The following RNF24 variants were observed in gnomAD, a reference collection of about 807,000 sequenced individuals.
RNF24 encodes the protein ring finger protein 24.
Under a neutral mutation model 20.0 loss-of-function variants are expected in RNF24, and 14 were observed. The observed-to-expected ratio is 0.70, with a 90% CI of 0.46 to 1.10. RNF24 has a LOEUF of 1.10. Among genes scored for constraint, RNF24 ranks in the 50% least tolerant of loss-of-function variants. The probability of loss-of-function intolerance (pLI) is 0.00; values close to 1 mark genes in which losing one functional copy is unlikely to be tolerated. For missense variants in RNF24, 124 were observed against 177.6 expected (o/e 0.70, Z 1.71); for synonymous variants, 45 against 61.1 (o/e 0.74, Z 1.23).
At chr20:3,959,671 T>C (rs2091180379) in intron 2 of RNF24, among the ~76,000 whole-genome samples, 1 of 152,204 alleles carries the variant, frequency 6.6e-6, no homozygotes, top group Non-Finnish European at 1.5e-5. Context: ...AAATCAGCAG[T>C]CCTCTGCCCT....
intron 1 of RNF24, among the ~76,000 whole-genome samples, chr20:3,975,428 T>C (rs1388892407): frequency 2.6e-5 from 4 of 152,210 alleles, no homozygotes; most frequent in Admixed American, 6.5e-5. Flanking sequence ...ATGAAATGTT[T>C]TTTTTGCTTT....
intron 1 of RNF24, among the ~76,000 whole-genome samples, chr20:3,971,880 A>C (rs183781110): frequency 6.6e-6 from 1 of 152,212 alleles, no homozygotes; most frequent in Non-Finnish European, 1.5e-5. Flanking sequence ...GAATTAAAAA[A>C]CATCACCCAA....
chr20:4,001,146 A>G lies in RNF24; in HGVS notation c.-8+14291T>C, dbSNP rs1034714950. Reference sequence around the variant, plus strand: ...GCCGGGCGTGGTGGCGTGCACCTGTAGTCCCAGCTACTTGGGAGTCTGAGG... The same window carrying G: ...GCCGGGCGTGGTGGCGTGCACCTGTGGTCCCAGCTACTTGGGAGTCTGAGG... On this transcript the variant is annotated intron_variant, in intron 1 of 5. Transcript: ENST00000358395. Among the ~76,000 whole-genome samples, 79 of 152,248 alleles carry G rather than the reference A, an allele frequency of 5.2e-4. 1 individual carries two copies. Among genetic ancestry groups the G allele is most frequent in the Middle Eastern group, 3.4e-3 (1 of 294 alleles).
In RNF24 at chr20:3,934,835, A is replaced by G. The variant is rs1257970680; in HGVS notation, c.308+159T>C. ...TCTGCTGTCTCCTAATGTCACGCAC[A>G]CACACACACATCCCACCTGTAGGGT... On this transcript the variant is annotated intron_variant, in intron 5 of 5. Transcript: ENST00000358395. The surrounding 1 kb of genome is among the most constrained non-coding windows in gnomAD (Gnocchi z 4.0). Among the ~76,000 whole-genome samples the G allele has an allele frequency of 2.0e-5, 3 of 152,112 alleles. No homozygotes were observed. The highest frequency in any genetic ancestry group is 4.4e-5 in the Non-Finnish European group (3 of 68,030).
At chr20:3,960,650 G>C (rs564309763) in intron 2 of RNF24, among the ~76,000 whole-genome samples, 29 of 152,176 alleles carry the variant, frequency 1.9e-4, no homozygotes, top group African/African-American at 6.7e-4. Flanking sequence ...CCTGGTGACA[G>C]AGCAAGACTC....
At chr20:3,993,314 G>C (rs1190848514) in intron 1 of RNF24, among the ~76,000 whole-genome samples, 1 of 151,654 alleles carries the variant, frequency 6.6e-6, no homozygotes, top group Non-Finnish European at 1.5e-5. Context: ...TTGAGGCAGA[G>C]TCTCACTCTA....
At chr20:3,948,593 G>A (rs1003773995) in intron 2 of RNF24, among the ~76,000 whole-genome samples, 4 of 151,936 alleles carry the variant, frequency 2.6e-5, no homozygotes, top group African/African-American at 9.7e-5. Flanking sequence ...ATCCAATGAA[G>A]TATAAAAACC....
At chr20:3,971,263 A>C (rs991628603) in intron 1 of RNF24, among the ~76,000 whole-genome samples, 7 of 152,194 alleles carry the variant, frequency 4.6e-5, no homozygotes, top group African/African-American at 1.7e-4. Context: ...AAAATCCTAC[A>C]TCCAGCAAAA....
At chr20:3,958,409 T>C (rs2091165756) in intron 2 of RNF24, among the ~76,000 whole-genome samples, 2 of 152,184 alleles carry the variant, frequency 1.3e-5, no homozygotes, top group South Asian at 4.1e-4. Flanking sequence ...AAGACAGAGT[T>C]ATATTCCTTG....
intron 1 of RNF24, among the ~76,000 whole-genome samples, chr20:3,985,722 G>A (rs1420415549): frequency 4.6e-5 from 6 of 131,328 alleles, no homozygotes; most frequent in Non-Finnish European, 9.5e-5. Context: ...TTTTTTTGGT[G>A]AGATGCAGTT....
chr20:3,975,571 T>C (rs954033722), intron 1 of RNF24, among the ~76,000 whole-genome samples: 2 of 149,416 alleles, frequency 1.3e-5, no homozygotes, highest in African/African-American at 2.4e-5. Context: ...ATGGGTTGAA[T>C]TGTGTTCTCA....
In RNF24 at chr20:3,931,943, T is replaced by C. The variant is rs2090829446; in HGVS notation, c.*2120A>G. 6.6e-6 allele frequency: 1 copy of C among 152,234 alleles called. No individual in the cohort carries two copies. Among genetic ancestry groups the C allele is most frequent in the Non-Finnish European group, 1.5e-5 (1 of 68,034 alleles). 9.4% of individuals were successfully genotyped at this position (152,234 alleles called of 1,614,324 possible). On this transcript the variant is annotated 3_prime_UTR_variant, in exon 6 of 6. Transcript: ENST00000358395. Reference sequence around the variant, plus strand: ...CTTGCCTCTGTTCAAATATACAGACTTGGTGAGGCTGTCTTTTGTTAGTAC... The same window carrying C: ...CTTGCCTCTGTTCAAATATACAGACCTGGTGAGGCTGTCTTTTGTTAGTAC...
In RNF24 at chr20:3,968,304, GA is replaced by G. The variant is rs370223999; in HGVS notation, c.-7-4281del. 9.5e-3 allele frequency among the ~76,000 whole-genome samples: 1,295 copies of G among 135,630 alleles called. 30 individuals carry two copies. Among genetic ancestry groups the G allele is most frequent in the African/African-American group, 0.032 (1,165 of 36,572 alleles). The allele number at this position is 135,630 out of a possible 152,430, so 89.0% of individuals were successfully genotyped here. A position where few individuals can be genotyped will look rare whatever the true frequency, so the allele number is the denominator to read the frequency against. Reference sequence around the variant, plus strand: ...GACAGAGCAAGACTCCATCTCAAAGGAAAAAAAAAATGCTCAGAAAGGGGCT... The same window carrying G: ...GACAGAGCAAGACTCCATCTCAAAGGAAAAAAAAATGCTCAGAAAGGGGCT... On this transcript the variant is annotated intron_variant, in intron 1 of 5. Coordinates refer to ENST00000358395, the MANE Select transcript of RNF24 (RefSeq NM_001134337.3).
At chr20:3,993,868 A>G (rs953995873) in intron 1 of RNF24, among the ~76,000 whole-genome samples, 1 of 152,232 alleles carries the variant, frequency 6.6e-6, no homozygotes, top group East Asian at 1.9e-4. Flanking sequence ...TTTATAGAAA[A>G]GTTGCAAGAG....
intron 1 of RNF24, chr20:4,015,018 A>C (rs1982781574): frequency 6.6e-6 from 1 of 152,262 alleles, no homozygotes; most frequent in Non-Finnish European, 1.5e-5. Flanking sequence ...GCGCGCGCCC[A>C]CCGCCAACGC....
Position 3,933,521 on chromosome 20 carries a change from A to G in RNF24, c.*542T>C, listed in dbSNP as rs547470100. 4 of 222,520 alleles carry G rather than the reference A, an allele frequency of 1.8e-5. No homozygotes were observed. The highest frequency in any genetic ancestry group is 3.5e-5 in the Non-Finnish European group (4 of 114,860). The allele number at this position is 222,520 out of a possible 1,614,324, so 13.8% of individuals were successfully genotyped here. A position where few individuals can be genotyped will look rare whatever the true frequency, so the allele number is the denominator to read the frequency against. On this transcript the variant is annotated 3_prime_UTR_variant, in exon 6 of 6. Transcript: ENST00000358395. ...CTGAGGGGGAAATGGGTGACGAGGAACACTGCTACTCAAAGCCAAGATGGC... is the reference window on the plus strand; with the variant it reads ...CTGAGGGGGAAATGGGTGACGAGGAGCACTGCTACTCAAAGCCAAGATGGC...
intron 1 of RNF24, among the ~76,000 whole-genome samples, chr20:4,012,636 T>C (rs1201505086): frequency 6.6e-6 from 1 of 152,194 alleles, no homozygotes; most frequent in African/African-American, 2.4e-5. Context: ...AACATTATTT[T>C]ATCTATTTTA....
In RNF24 at chr20:3,934,328, A is replaced by T; in HGVS notation, c.309-127T>A. The T allele has an allele frequency of 2.2e-6, 2 of 908,424 alleles. No homozygotes were observed. The highest frequency in any genetic ancestry group is 3.2e-6 in the Non-Finnish European group (2 of 632,486). 56.3% of individuals were successfully genotyped at this position (908,424 alleles called of 1,614,324 possible). ...GTATGGTCCAAGGAGCTCCCCTCCTAGGTGGTGAACGGATGTCACCCCCTG... is the reference window on the plus strand; with the variant it reads ...GTATGGTCCAAGGAGCTCCCCTCCTTGGTGGTGAACGGATGTCACCCCCTG... On this transcript the variant is annotated intron_variant, in intron 5 of 5. Coordinates refer to ENST00000358395, the MANE Select transcript of RNF24 (RefSeq NM_001134337.3). This position sits in a 1 kb window ranked among gnomAD's most constrained non-coding sequence, Gnocchi z 4.0.
At chr20:3,996,515 A>G (rs1026207902) in intron 1 of RNF24, among the ~76,000 whole-genome samples, 12 of 152,178 alleles carry the variant, frequency 7.9e-5, no homozygotes, top group Admixed American at 1.3e-4. Context: ...TTTGTTTATC[A>G]TTAATGAGTC....
Sources: gnomAD v4.1 joint callset for allele counts (sites outside exome capture counted in the v4.1 genomes callset) on GRCh38, gnomAD v4.1.1 for gene constraint, Gnocchi (gnomAD v3.1) non-coding constraint, MANE v1.5 for transcripts, NCBI Gene and HGNC (gene_info 2026-07-23, HGNC 2026-07-21) for gene names.